Variants in IL1RL2 observed in about 807,000 individuals in gnomAD.
The protein encoded by IL1RL2 is interleukin 1 receptor like 2, also known as interleukin-1 receptor-like 2.
A neutral mutation model predicts 66.8 loss-of-function variants in IL1RL2; 68 were observed. The observed-to-expected ratio is 1.02, with a 90% CI of 0.84 to 1.25. The LOEUF (loss-of-function observed/expected upper bound fraction) is 1.25, where lower values mean the gene tolerates loss of function less well. Ranked by LOEUF, IL1RL2 falls within the 50% of genes most tolerant of loss-of-function variation. The pLI is 0.00. For synonymous variants in IL1RL2, 305 were observed against 264.6 expected (o/e 1.15, Z -1.48); for missense variants, 729 against 709.3 (o/e 1.03, Z -0.32).
In IL1RL2 at chr2:102,187,900, C is replaced by T. The variant is rs1686832348; in HGVS notation, c.33C>T (p.Ile11=). The change falls in exon 2 of 12, where the codon ATC becomes ATT. Residue 11 remains isoleucine (I), a synonymous_variant. Coordinates refer to ENST00000264257, the MANE Select transcript of IL1RL2 (RefSeq NM_003854.4). The part of the protein sequence containing the change: MWSLLLCGLS[I]ALPLSVTADG... ...CCTTGCTGCTCTGCGGGTTGTCCAT[C>T]GCCCTTCCACTGTCTGTCACAGCAG... 1.7e-5 allele frequency: 27 copies of T among 1,612,624 alleles called. No homozygotes were observed. Among genetic ancestry groups the T allele is most frequent in the Non-Finnish European group, 2.2e-5 (26 of 1,179,168 alleles).
At chr2:102,219,642 G>T (rs538253057) in intron 7 of IL1RL2, among the ~76,000 whole-genome samples, 2 of 152,110 alleles carry the variant, frequency 1.3e-5, no homozygotes, top group Non-Finnish European at 2.9e-5. Context: ...GGCCTTTGGG[G>T]CTGAGAATGG....
At chr2:102,199,066 C>G (rs1003977196) in intron 4 of IL1RL2, among the ~76,000 whole-genome samples, 1 of 152,152 alleles carries the variant, frequency 6.6e-6, no homozygotes, top group Non-Finnish European at 1.5e-5. Flanking sequence ...AAGTCCTGCT[C>G]CCTCTGCATA....
intron 4 of IL1RL2, among the ~76,000 whole-genome samples, chr2:102,194,038 G>T (rs192940359): frequency 9.2e-5 from 14 of 152,200 alleles, no homozygotes; most frequent in Admixed American, 4.6e-4. Flanking sequence ...ATCAGAAAGT[G>T]AACATACCTT....
chr2:102,239,081 G>A (rs1559571237), intron 11 of IL1RL2, 111 bp from the exon 12 acceptor site: 4 of 887,388 alleles, frequency 4.5e-6, no homozygotes, highest in Non-Finnish European at 7.5e-6. Context: ...TATACCACCA[G>A]ATGAACTGAC....
At chr2:102,199,060 C>A (rs1464698188) in intron 4 of IL1RL2, among the ~76,000 whole-genome samples, 2 of 152,148 alleles carry the variant, frequency 1.3e-5, no homozygotes, top group Non-Finnish European at 2.9e-5. Flanking sequence ...CTGTAGAAGT[C>A]CTGCTCCCTC....
chr2:102,193,036 A>G (rs1687368556), intron 4 of IL1RL2, among the ~76,000 whole-genome samples: 1 of 152,058 alleles, frequency 6.6e-6, no homozygotes, highest in African/African-American at 2.4e-5. Flanking sequence ...GTCATTATTC[A>G]TTCTCTCTTA....
chr2:102,223,368 A>C (rs368170113), intron 8 of IL1RL2, among the ~76,000 whole-genome samples: 3 of 152,018 alleles, frequency 2.0e-5, no homozygotes, highest in African/African-American at 7.2e-5. Flanking sequence ...AGGTTGTTTA[A>C]ATTGGGTGTG....
intron 5 of IL1RL2, among the ~76,000 whole-genome samples, chr2:102,203,115 T>C (rs375918476): frequency 9.9e-5 from 15 of 152,238 alleles, no homozygotes; most frequent in African/African-American, 3.6e-4. Context: ...AAATGCTTTT[T>C]CCGCATCAAT....
intron 3 of IL1RL2, among the ~76,000 whole-genome samples, chr2:102,190,531 C>T (rs376071966): frequency 7.2e-4 from 109 of 152,300 alleles, no homozygotes; most frequent in African/African-American, 2.5e-3. Flanking sequence ...CCAGCATGGC[C>T]CCTGTCCCAC....
chr2:102,201,794 C>T, intron 5 of IL1RL2, 79 bp downstream of exon 5: 1 of 1,403,654 alleles, frequency 7.1e-7, no homozygotes, highest in South Asian at 1.3e-5. Context: ...GGGTTTTGGG[C>T]TTTGAGCAGG....
At chr2:102,231,326 C>T (rs115198665) in intron 9 of IL1RL2, among the ~76,000 whole-genome samples, 1,864 of 152,150 alleles carry the variant, frequency 0.012, 15 homozygotes, top group African/African-American at 0.024. Context: ...AACGAAACCC[C>T]GTCTCTGCTA....
chr2:102,242,962 T>C (rs1340746678), downstream of IL1RL2, among the ~76,000 whole-genome samples: 2 of 152,202 alleles, frequency 1.3e-5, no homozygotes, highest in African/African-American at 2.4e-5. Flanking sequence ...TCTTCCAAAT[T>C]TCCCTCCAGA....
chr2:102,232,266 C>T (rs1691204594), intron 9 of IL1RL2, among the ~76,000 whole-genome samples: 3 of 152,098 alleles, frequency 2.0e-5, no homozygotes, highest in South Asian at 2.1e-4. Flanking sequence ...TGCCCACCAC[C>T]ATGTCTGGCT....
At position 102,221,150 on chromosome 2, in the gene IL1RL2, TTTCTC is replaced by T. The variant is rs1198063694; in HGVS notation, c.991+1139_991+1143del. Among the ~76,000 whole-genome samples, 3 of 152,174 alleles carry T rather than the reference TTTCTC, an allele frequency of 2.0e-5. No homozygotes were observed. In the East Asian group the frequency reaches 5.8e-4, roughly 29 times the overall value. ...GTTCATCTGTCACCACTGCCCATTT[TTTCTC>T]TTCTCACTGGCTTTTCTTTGTCATA... On this transcript the variant is annotated intron_variant, in intron 8 of 11. Transcript: ENST00000264257.
At chr2:102,218,246 C>T (rs1689781748) in intron 6 of IL1RL2, among the ~76,000 whole-genome samples, 1 of 152,042 alleles carries the variant, frequency 6.6e-6, no homozygotes, top group Non-Finnish European at 1.5e-5. Flanking sequence ...TATTTCTATT[C>T]TATACTGTTT....
intron 6 of IL1RL2, 22 bp from the exon 7 acceptor site, chr2:102,218,931 T>C: frequency 6.2e-7 from 1 of 1,600,674 alleles, no homozygotes; most frequent in Non-Finnish European, 8.5e-7. Context: ...CATTGAATAT[T>C]GATGATATTG....
chr2:102,195,559 CTCTTTCTTTCTTTCTTTCTT>C (rs1205396126), intron 4 of IL1RL2, among the ~76,000 whole-genome samples: 7 of 43,680 alleles, frequency 1.6e-4, no homozygotes, highest in Middle Eastern at 0.012. Flanking sequence ...TTCTTTCTTT[CTCTTTCTTTCTTTCTTTCTT>C]TCTTTCTTTC....
intron 4 of IL1RL2, among the ~76,000 whole-genome samples, chr2:102,198,143 T>A (rs147509190): frequency 4.7e-4 from 72 of 152,324 alleles, no homozygotes; most frequent in African/African-American, 1.7e-3. Flanking sequence ...TCAGCATGAG[T>A]ACATAATAGG....
At chr2:102,241,325 T>A (rs1052985335), downstream of IL1RL2, among the ~76,000 whole-genome samples, 1 of 152,074 alleles carries the variant, frequency 6.6e-6, no homozygotes, top group East Asian at 1.9e-4. Context: ...GGGACTGCGG[T>A]CATAGGGATT....
Sources: allele counts gnomAD v4.1 joint callset (sites outside exome capture counted in the v4.1 genomes callset), GRCh38; gene constraint gnomAD v4.1.1; transcripts MANE v1.5; gene names NCBI Gene and HGNC (gene_info 2026-07-23, HGNC 2026-07-21).